MSRB2: variants seen among roughly 807,000 people sequenced by gnomAD.
MSRB2 encodes the protein methionine-R-sulfoxide reductase B2, mitochondrial.
Under a neutral mutation model 19.0 loss-of-function variants are expected in MSRB2, and 17 were observed. The ratio of observed to expected loss-of-function variants is 0.89; its 90% CI spans 0.61 to 1.34. MSRB2 has a LOEUF of 1.34. MSRB2 is among the 40% of genes most tolerant of loss of function. The pLI, the probability that MSRB2 is intolerant of heterozygous loss-of-function variation, is 0.00. For synonymous variants in MSRB2, 107 were observed against 99.7 expected (o/e 1.07, Z -0.44); for missense variants, 208 against 237.6 (o/e 0.88, Z 0.82).
intron 2 of MSRB2, among the ~76,000 whole-genome samples, chr10:23,106,519 G>A (rs756169918): frequency 1.3e-5 from 2 of 152,206 alleles, no homozygotes; most frequent in Non-Finnish European, 2.9e-5. Flanking sequence ...GCTCTAGGAA[G>A]AGTGAGCAGC....
intron 2 of MSRB2, 110 bp downstream of exon 2, chr10:23,104,354 G>T: frequency 1.4e-6 from 1 of 737,260 alleles, no homozygotes; most frequent in Non-Finnish European, 2.1e-6. Context: ...CCACAGGCCT[G>T]GTCTTCCTCT....
chr10:23,098,211 A>C (rs923885104), intron 1 of MSRB2, among the ~76,000 whole-genome samples: 22 of 152,180 alleles, frequency 1.4e-4, no homozygotes, highest in African/African-American at 5.3e-4. Context: ...GTTCCATTAG[A>C]TTCAACACAT....
rs1313606032 is a variant in MSRB2, at chr10:23,121,579, C to G, written c.*717C>G. 1 of 152,294 alleles carries G rather than the reference C, an allele frequency of 6.6e-6. No individual in the cohort carries two copies. The highest frequency in any genetic ancestry group is 1.5e-5 in the Non-Finnish European group (1 of 68,094). The allele number at this position is 152,294 out of a possible 1,614,324, so 9.4% of individuals were successfully genotyped here. On this transcript the variant is annotated 3_prime_UTR_variant, in exon 5 of 5. Coordinates refer to ENST00000376510, the MANE Select transcript of MSRB2 (RefSeq NM_012228.4). ...GAGGGACAGCTGTTTCCATCAAACA[C>G]TTCCACAGCTTCACCTGAGACGAGG... is the stretch of plus-strand genomic sequence containing the variant.
chr10:23,112,612 G>A (rs1169418322), intron 3 of MSRB2, among the ~76,000 whole-genome samples: 2 of 152,094 alleles, frequency 1.3e-5, no homozygotes, highest in Non-Finnish European at 2.9e-5. Context: ...TTTTTGAGAT[G>A]GAGTCTCGCT....
In MSRB2 at chr10:23,114,419, C is replaced by T. The variant is rs563209567; in HGVS notation, c.296+4101C>T. ...AATGTGAGGGAAGTGGCTGCAACTT[C>T]TTGAGCACTTACATGCCAGACACTG... On this transcript the variant is annotated intron_variant, in intron 3 of 4. Transcript: ENST00000376510. Among the ~76,000 whole-genome samples the T allele has an allele frequency of 3.7e-3, 567 of 151,698 alleles. 1 individual carries two copies. The highest frequency in any genetic ancestry group is 5.8e-3 in the Non-Finnish European group (391 of 67,952).
intron 3 of MSRB2, among the ~76,000 whole-genome samples, chr10:23,111,182 G>T (rs1382599853): frequency 6.6e-6 from 1 of 152,220 alleles, no homozygotes; most frequent in Non-Finnish European, 1.5e-5. Flanking sequence ...AGGATGAGGA[G>T]CGATTAGCAT....
chr10:23,104,100 G>A (rs760616906), intron 1 of MSRB2, 44 bp from the exon 2 acceptor site: 2 of 1,520,988 alleles, frequency 1.3e-6, no homozygotes, highest in South Asian at 1.2e-5. Flanking sequence ...AAGTCCATCA[G>A]GCATTTTTGT....
Position 23,119,345 on chromosome 10 carries a change from T to C in MSRB2, c.338T>C (p.Phe113Ser), listed in dbSNP as rs141332961. ...TGCTCTGGCACTGGGTGGCCTTCGTTTTCCGAGGCTCATGGTACGTCTGGC... is the reference window on the plus strand; with the variant it reads ...TGCTCTGGCACTGGGTGGCCTTCGTCTTCCGAGGCTCATGGTACGTCTGGC... ...KYCSGTGWPSFSEAHGTSGSD... is the reference protein window; with the variant it reads ...KYCSGTGWPSSSEAHGTSGSD... Residue 113 changes from phenylalanine to serine, a missense_variant, in exon 4 of 5, where the codon TTT becomes TCT. Physicochemically the swap from Phe to Ser is radical, Grantham distance 155 (BLOSUM62 -2). Transcript: ENST00000376510. 7.1e-4 allele frequency: 1,144 copies of C among 1,614,152 alleles called. 6 individuals carry two copies. The African/African-American group carries it at 0.013, about 18-fold the overall frequency.
intron 4 of MSRB2, among the ~76,000 whole-genome samples, chr10:23,119,862 T>C (rs1216480173): frequency 6.6e-6 from 1 of 152,140 alleles, no homozygotes; most frequent in East Asian, 1.9e-4. Context: ...CCCAAAGTGC[T>C]GGGATTACAG....
chr10:23,099,199 A>C (rs915565100), intron 1 of MSRB2, among the ~76,000 whole-genome samples: 1 of 152,186 alleles, frequency 6.6e-6, no homozygotes, highest in African/African-American at 2.4e-5. Flanking sequence ...TTCAGCTCAT[A>C]ACATCCAGGT....
At chr10:23,105,242 G>A (rs868267531) in intron 2 of MSRB2, among the ~76,000 whole-genome samples, 196 of 148,508 alleles carry the variant, frequency 1.3e-3, no homozygotes, top group African/African-American at 4.8e-3. Flanking sequence ...GTGTGTGTGT[G>A]TATACAAGTT....
intron 1 of MSRB2, among the ~76,000 whole-genome samples, chr10:23,103,791 A>G (rs989126379): frequency 5.9e-5 from 9 of 152,192 alleles, no homozygotes; most frequent in African/African-American, 1.7e-4. Context: ...TCTGACAGCA[A>G]CTGCTCCTCT....
intron 3 of MSRB2, among the ~76,000 whole-genome samples, chr10:23,110,596 G>GT (rs1372242086): frequency 2.0e-5 from 3 of 149,522 alleles, no homozygotes; most frequent in Non-Finnish European, 4.4e-5. Context: ...ATAAAACTCA[G>GT]TGGGCCCCTT....
rs919034580 is a variant in MSRB2, at chr10:23,095,716, G to C, written c.108G>C (p.Leu36=). The change falls in exon 1 of 5, where the codon CTG becomes CTC. Residue 36 remains leucine, a synonymous_variant. Coordinates refer to ENST00000376510, the MANE Select transcript of MSRB2 (RefSeq NM_012228.4). ...GGGGPGTGPG[L]GEAGSLATCE... ...GCGGGCCCGGCACCGGGCCGGGACT[G>C]GGGGAGGCAGGTAGGACGCGGGTCC... 7 of 1,267,526 alleles carry C rather than the reference G, an allele frequency of 5.5e-6. No homozygotes were observed. Among genetic ancestry groups the C allele is most frequent in the African/African-American group, 4.7e-5 (3 of 64,296 alleles). The allele number at this position is 1,267,526 out of a possible 1,614,324, so 78.5% of individuals were successfully genotyped here.
intron 3 of MSRB2, among the ~76,000 whole-genome samples, chr10:23,116,537 C>A (rs1214639952): frequency 1.3e-5 from 2 of 152,274 alleles, no homozygotes; most frequent in South Asian, 2.1e-4. Context: ...TAATTAGATC[C>A]TATACATCAA....
intron 3 of MSRB2, among the ~76,000 whole-genome samples, chr10:23,118,335 TTG>T (rs532641449): frequency 0.015 from 1,897 of 124,618 alleles, 44 homozygotes; most frequent in African/African-American, 0.05. Context: ...GATTAGTTTT[TTG>T]TTTTTTTTTT....
At chr10:23,113,375 T>C (rs892902535) in intron 3 of MSRB2, among the ~76,000 whole-genome samples, 2 of 152,188 alleles carry the variant, frequency 1.3e-5, no homozygotes, top group Non-Finnish European at 2.9e-5. Flanking sequence ...CCTTCTCTGA[T>C]AGCACACACC....
chr10:23,106,435 T>C (rs954104652), intron 2 of MSRB2, among the ~76,000 whole-genome samples: 1 of 152,294 alleles, frequency 6.6e-6, no homozygotes, highest in East Asian at 1.9e-4. Flanking sequence ...CAAGTATCAA[T>C]AGAAGGGAGG....
At chr10:23,115,960 A>G (rs979338163) in intron 3 of MSRB2, among the ~76,000 whole-genome samples, 1 of 152,174 alleles carries the variant, frequency 6.6e-6, no homozygotes, top group Admixed American at 6.5e-5. Context: ...AAAGATACTT[A>G]ATGATGTTTT....
Sources: gnomAD v4.1 joint callset for allele counts (sites outside exome capture counted in the v4.1 genomes callset) on GRCh38, gnomAD v4.1.1 for gene constraint, MANE v1.5 for transcripts, NCBI Gene and HGNC (gene_info 2026-07-23, HGNC 2026-07-21) for gene names.